The following XRN1 variants were observed in gnomAD, a reference collection of about 807,000 sequenced individuals.
The protein encoded by XRN1 is 5'-3' exoribonuclease 1.
Under a neutral mutation model 222.3 loss-of-function variants are expected in XRN1, and 67 were observed. That is an observed-to-expected ratio of 0.30 (90% confidence interval 0.25 to 0.37). The LOEUF (loss-of-function observed/expected upper bound fraction) is 0.37. Among genes scored for constraint, XRN1 ranks in the 10% least tolerant of loss-of-function variants. The pLI, the probability that XRN1 is intolerant of heterozygous loss-of-function variation, is 1.00. For missense variants in XRN1, 1,707 were observed against 2,000.2 expected (o/e 0.85, Z 2.80); for synonymous variants, 643 against 652.4 (o/e 0.99, Z 0.22).
At chr3:142,366,899 T>C (rs1577304199) in intron 27 of XRN1, among the ~76,000 whole-genome samples, 1 of 152,220 alleles carries the variant, frequency 6.6e-6, no homozygotes, top group African/African-American at 2.4e-5. Flanking sequence ...ATGAATAAGC[T>C]GGGTAATGTT....
chr3:142,389,849 G>A (rs1334992363), intron 20 of XRN1, among the ~76,000 whole-genome samples: 3 of 152,178 alleles, frequency 2.0e-5, no homozygotes, highest in Non-Finnish European at 4.4e-5. Flanking sequence ...ACTAAAACTT[G>A]AAAGTTCAAA....
intron 8 of XRN1, 41 bp from the exon 9 acceptor site, chr3:142,421,584 A>AT (rs558465910): frequency 2.7e-5 from 38 of 1,417,974 alleles, no homozygotes; most frequent in African/African-American, 1.1e-4. Flanking sequence ...AAAAGCTGAC[A>AT]TTTTTTCTAA....
intron 6 of XRN1, 139 bp downstream of exon 6, chr3:142,423,421 T>C (rs1000644406): frequency 1.9e-6 from 1 of 513,356 alleles, no homozygotes; most frequent in African/African-American, 2.0e-5. Flanking sequence ...TTAAAAACGT[T>C]TGTGCATCAA....
At position 142,405,060 on chromosome 3, in the gene XRN1, G is replaced by A. The variant is rs745951614; in HGVS notation, c.1730C>T (p.Ala577Val). 3.8e-5 allele frequency: 61 copies of A among 1,613,702 alleles called. No individual in the cohort carries two copies. Among genetic ancestry groups the A allele is most frequent in the Non-Finnish European group, 5.2e-5 (61 of 1,179,836 alleles). Reference protein sequence around the residue: ...PFIDEKRLLEAMETCNHSLKK... With the variant: ...PFIDEKRLLEVMETCNHSLKK... Reference sequence around the variant, plus strand: ...GAGGGAGTGGTTACATGTCTCCATGGCTTCCAATAATCGCTTCTGAATATA... The same window carrying A: ...GAGGGAGTGGTTACATGTCTCCATGACTTCCAATAATCGCTTCTGAATATA... The change falls in exon 16 of 41, where the codon GCC (alanine) becomes GTC (valine). Residue 577 changes from alanine to valine, a missense_variant. By Grantham distance (64) the Ala-to-Val change is moderately conservative. Transcript: ENST00000392981.
chr3:142,438,639 C>T (rs1381468281), intron 1 of XRN1, among the ~76,000 whole-genome samples: 4 of 152,082 alleles, frequency 2.6e-5, no homozygotes, highest in Non-Finnish European at 4.4e-5. Context: ...CAATCTGACC[C>T]TCAGACACTA....
intron 16 of XRN1, among the ~76,000 whole-genome samples, chr3:142,404,486 G>A (rs1051499433): frequency 2.0e-5 from 3 of 152,118 alleles, no homozygotes; most frequent in Admixed American, 6.6e-5. Context: ...AAAAAATGGA[G>A]CTCTTTATTT....
At chr3:142,370,643 T>C in intron 26 of XRN1, 23 bp from the exon 27 acceptor site, 1 of 1,548,272 alleles carries the variant, frequency 6.5e-7, no homozygotes, top group African/African-American at 1.4e-5. Context: ...CAATAATTTT[T>C]AAAATTTGAT....
At chr3:142,368,171 T>C (rs763856523) in intron 27 of XRN1, among the ~76,000 whole-genome samples, 13 of 151,790 alleles carry the variant, frequency 8.6e-5, no homozygotes, top group Non-Finnish European at 1.8e-4. Flanking sequence ...TAAAATGATA[T>C]GGAGTCTTGC....
intron 39 of XRN1, among the ~76,000 whole-genome samples, chr3:142,313,613 A>G (rs1443587033): frequency 6.6e-6 from 1 of 152,256 alleles, no homozygotes; most frequent in Non-Finnish European, 1.5e-5. Context: ...TAGCTTAATT[A>G]AAGTTCAGCT....
rs368437053 is a variant in XRN1, at chr3:142,404,931, G to A, written c.1859C>T (p.Pro620Leu). 42 of 1,613,822 alleles carry A rather than the reference G, an allele frequency of 2.6e-5. No homozygotes were observed. The highest frequency in any genetic ancestry group is 3.3e-5 in the Admixed American group (2 of 59,986). ...CCTTGTACAACATCGTTCTATGGCA[G>A]GGAACTTTTCTGGCCATGGAGAAGG... The part of the protein sequence containing the change: ...IYPSPWPEKF[P>L]AIERCCTRYK... The change falls in exon 16 of 41, where the codon CCT becomes CTT. Residue 620 changes from proline (P) to leucine (L), a missense_variant. Physicochemically the swap from Pro to Leu is moderately conservative, Grantham distance 98 (BLOSUM62 -3). This residue lies in a region of XRN1 where 1,234 missense variants were observed against 1,518.2 expected (regional missense o/e 0.81). Transcript: ENST00000392981.
intron 20 of XRN1, among the ~76,000 whole-genome samples, chr3:142,386,923 T>C (rs531927898): frequency 4.1e-4 from 62 of 152,226 alleles, no homozygotes; most frequent in African/African-American, 1.3e-3. Flanking sequence ...ACCTTTTTGG[T>C]AGTATCTGTT....
rs1275417374 is a variant in XRN1, at chr3:142,308,516, A to C, written c.*2995T>G. On this transcript the variant is annotated 3_prime_UTR_variant, in exon 41 of 41. Coordinates refer to ENST00000392981, the MANE Select transcript of XRN1 (RefSeq NM_001282857.2). ...TTGAAACCAAGGTTCAGTAGAGGTG[A>C]CTTTAATTTTTTTCTGCAACTACAA... 1 of 152,202 alleles carries C rather than the reference A, an allele frequency of 6.6e-6. No individual in the cohort carries two copies. The highest frequency in any genetic ancestry group is 1.5e-5 in the Non-Finnish European group (1 of 68,024). 9.4% of individuals were successfully genotyped at this position (152,202 alleles called of 1,614,324 possible). A position where few individuals can be genotyped will look rare whatever the true frequency, so the allele number is the denominator to read the frequency against.
intron 29 of XRN1, among the ~76,000 whole-genome samples, chr3:142,361,713 T>C (rs1217830548): frequency 1.3e-5 from 2 of 152,208 alleles, no homozygotes; most frequent in South Asian, 4.1e-4. Context: ...TCTTTTCATA[T>C]GCTTATTTGC....
chr3:142,414,068 T>A (rs1559862777), intron 14 of XRN1, 67 bp downstream of exon 14: 1 of 1,407,664 alleles, frequency 7.1e-7, no homozygotes, highest in East Asian at 2.5e-5. Context: ...TATTATTGTT[T>A]CTAGGTTTGG....
At position 142,443,703 on chromosome 3, in the gene XRN1, A is replaced by T. The variant is rs537948696; in HGVS notation, c.75+4167T>A. Among the ~76,000 whole-genome samples the T allele has an allele frequency of 7.9e-5, 12 of 152,378 alleles. No individual in the cohort carries two copies. In the East Asian group the frequency reaches 2.3e-3, roughly 29 times the overall value. On this transcript the variant is annotated intron_variant, in intron 1 of 40. Transcript: ENST00000392981. ...AAACTAAAAATAGAGCTACCATATG[A>T]TCCCAGCAACCCCACTGCTATCTGT...
At chr3:142,343,901 C>T (rs77699651) in intron 33 of XRN1, among the ~76,000 whole-genome samples, 4,974 of 152,000 alleles carry the variant, frequency 0.033, 252 homozygotes, top group African/African-American at 0.11. Context: ...TACTATTCGG[C>T]CATAAAAAAA....
At chr3:142,319,922 A>G (rs1055496861) in intron 37 of XRN1, among the ~76,000 whole-genome samples, 5 of 152,064 alleles carry the variant, frequency 3.3e-5, no homozygotes, top group African/African-American at 1.2e-4. Flanking sequence ...ACACACACAC[A>G]CACACACACG....
At chr3:142,335,331 C>T in intron 34 of XRN1, 117 bp downstream of exon 34, 1 of 923,900 alleles carries the variant, frequency 1.1e-6, no homozygotes, top group Non-Finnish European at 1.7e-6. Flanking sequence ...CAGTGACCCT[C>T]TGGCCACACA....
At chr3:142,364,252 G>C (rs1210892239) in intron 29 of XRN1, among the ~76,000 whole-genome samples, 1 of 152,212 alleles carries the variant, frequency 6.6e-6, no homozygotes, top group Non-Finnish European at 1.5e-5. Flanking sequence ...GTGAGACCAA[G>C]AGGTTCGGTG....
Sources: gnomAD v4.1 joint callset for allele counts (sites outside exome capture counted in the v4.1 genomes callset) on GRCh38, gnomAD v4.1.1 for gene constraint, gnomAD v4.1.1 regional missense constraint, MANE v1.5 for transcripts, NCBI Gene and HGNC (gene_info 2026-07-23, HGNC 2026-07-21) for gene names.